Variants in THEMIS observed in about 807,000 individuals in gnomAD.
The protein encoded by THEMIS is thymocyte selection associated, also known as protein THEMIS.
Under a neutral mutation model 52.6 loss-of-function variants are expected in THEMIS, and 37 were observed. That is an observed-to-expected ratio of 0.70 (90% CI 0.54 to 0.93). The LOEUF is 0.93. Among genes scored for constraint, THEMIS ranks in the 40% least tolerant of loss-of-function variants. The pLI is 0.00. For synonymous variants in THEMIS, 292 were observed against 272.7 expected (o/e 1.07, Z -0.70); for missense variants, 808 against 763.1 (o/e 1.06, Z -0.69).
rs570626250 is a variant in THEMIS at position 127,807,623 on chromosome 6, A to G, written c.1758+5260T>C. The stretch of plus-strand genomic sequence containing the variant: ...GAGGGAAATCAGTACTACAGCTTCT[A>G]TATTACACGAAAAGGACCTACCATG... On this transcript the variant is annotated intron_variant, in intron 4 of 5. Coordinates refer to ENST00000368248, the MANE Select transcript of THEMIS (RefSeq NM_001010923.3). Among the ~76,000 whole-genome samples the G allele has an allele frequency of 3.3e-5, 5 of 152,320 alleles. No homozygotes were observed. The East Asian group carries it at 9.6e-4, about 29-fold the overall frequency.
At chr6:127,891,366 A>T (rs2875994) in intron 1 of THEMIS, among the ~76,000 whole-genome samples, 21,645 of 151,718 alleles carry the variant, frequency 0.14, 1,918 homozygotes, top group East Asian at 0.38. Context: ...TCCTGTCCCT[A>T]CTAAAAATGC....
At chr6:127,894,759 TAAG>T (rs1269097763) in intron 1 of THEMIS, among the ~76,000 whole-genome samples, 1 of 151,630 alleles carries the variant, frequency 6.6e-6, no homozygotes, top group Non-Finnish European at 1.5e-5. Context: ...AACAAATTTT[TAAG>T]AAGATGTTAA....
At chr6:127,855,232 A>T (rs778359983) in intron 1 of THEMIS, 44 bp from the exon 2 acceptor site, 1 of 1,502,122 alleles carries the variant, frequency 6.7e-7, no homozygotes, top group South Asian at 1.3e-5. Context: ...AAAAGAAAAC[A>T]GTGAAAAACA....
chr6:127,829,666 G>A lies in THEMIS; in HGVS notation c.519C>T (p.Phe173=). The A allele has an allele frequency of 6.2e-7, 1 of 1,614,054 alleles. No individual in the cohort carries two copies. The highest frequency in any genetic ancestry group is 1.3e-5 in the African/African-American group (1 of 75,048). Residue 173 remains phenylalanine, a synonymous_variant, in exon 3 of 6, where the codon TTC becomes TTT. Coordinates refer to ENST00000368248, the MANE Select transcript of THEMIS (RefSeq NM_001010923.3). ...FNLPLSQEGE[F]YECEDERIYT... is the part of the protein sequence containing the mutation. ...AAATACGTTCATCTTCACACTCGTA[G>A]AATTCTCCTTCTTGTGACAAAGGCA...
chr6:127,729,204 T>TCTC, intron 4 of THEMIS, among the ~76,000 whole-genome samples: 1 of 101,692 alleles, frequency 9.8e-6, no homozygotes, highest in Non-Finnish European at 2.1e-5. Flanking sequence ...CTCTCTCTCT[T>TCTC]CACTCATCCC....
rs1292297667 is a variant in THEMIS, at chr6:127,708,378, A to G, written c.*1607T>C. On this transcript the variant is annotated 3_prime_UTR_variant, in exon 6 of 6. Transcript: ENST00000368248. The stretch of plus-strand genomic sequence containing the variant: ...TGATAATTTACAACCAAAGTAAGAT[A>G]TGCATTCTCTTAATTTTCTAATCAA... The G allele has an allele frequency of 1.3e-5, 2 of 152,160 alleles. No individual in the cohort carries two copies. The highest frequency in any genetic ancestry group is 4.8e-5 in the African/African-American group (2 of 41,450). The allele number at this position is 152,160 out of a possible 1,614,324, so 9.4% of individuals were successfully genotyped here.
intron 4 of THEMIS, among the ~76,000 whole-genome samples, chr6:127,794,794 C>T (rs1777272553): frequency 6.6e-6 from 1 of 152,082 alleles, no homozygotes; most frequent in South Asian, 2.1e-4. Context: ...TAGTCCTTAC[C>T]TCTTGCTCTA....
At chr6:127,740,224 T>A (rs1775151592) in intron 4 of THEMIS, among the ~76,000 whole-genome samples, 1 of 152,076 alleles carries the variant, frequency 6.6e-6, no homozygotes, top group Non-Finnish European at 1.5e-5. Flanking sequence ...CAAAGGACAT[T>A]TAAAATCATT....
chr6:127,788,880 G>T (rs1777064523), intron 4 of THEMIS, among the ~76,000 whole-genome samples: 1 of 152,124 alleles, frequency 6.6e-6, no homozygotes, highest in East Asian at 1.9e-4. Flanking sequence ...AGCTAAAGTA[G>T]TGTTTAGAGT....
At chr6:127,727,257 T>A (rs1013163861) in intron 4 of THEMIS, among the ~76,000 whole-genome samples, 1 of 152,166 alleles carries the variant, frequency 6.6e-6, no homozygotes, top group Admixed American at 6.5e-5. Flanking sequence ...TAATGGGAAA[T>A]CATAACTCTT....
intron 4 of THEMIS, among the ~76,000 whole-genome samples, chr6:127,721,279 A>G (rs1259747035): frequency 6.6e-6 from 1 of 152,022 alleles, no homozygotes; most frequent in Non-Finnish European, 1.5e-5. Flanking sequence ...AACTAAATGA[A>G]TGTGATTTTG....
chr6:127,781,846 T>C (rs550853863), intron 4 of THEMIS, among the ~76,000 whole-genome samples: 77 of 151,960 alleles, frequency 5.1e-4, no homozygotes, highest in Admixed American at 9.8e-4. Context: ...TCCCAGGAGG[T>C]GTCTCCCAGT....
At chr6:127,801,322 AAGCCTC>A (rs1283959421) in intron 4 of THEMIS, among the ~76,000 whole-genome samples, 1 of 152,206 alleles carries the variant, frequency 6.6e-6, no homozygotes, top group Non-Finnish European at 1.5e-5. Context: ...AGCAGATATC[AAGCCTC>A]AGATCTGCTA....
At chr6:127,850,173 A>C (rs1240691468) in intron 2 of THEMIS, among the ~76,000 whole-genome samples, 1 of 152,114 alleles carries the variant, frequency 6.6e-6, no homozygotes, top group Non-Finnish European at 1.5e-5. Context: ...AATGCAAATT[A>C]AAACCACAAT....
intron 4 of THEMIS, among the ~76,000 whole-genome samples, chr6:127,755,508 AT>A (rs576668281): frequency 2.0e-5 from 3 of 151,962 alleles, no homozygotes; most frequent in African/African-American, 4.8e-5. Context: ...ATTTTTAAAG[AT>A]TTTTTTTATT....
At chr6:127,830,396 CAT>C (rs1399456732) in intron 2 of THEMIS, among the ~76,000 whole-genome samples, 3 of 152,100 alleles carry the variant, frequency 2.0e-5, no homozygotes, top group Admixed American at 6.5e-5. Flanking sequence ...TTTGTAGTCA[CAT>C]TCATGATTAA....
chr6:127,892,997 T>C (rs1780857380), intron 1 of THEMIS, among the ~76,000 whole-genome samples: 1 of 152,172 alleles, frequency 6.6e-6, no homozygotes, highest in Non-Finnish European at 1.5e-5. Flanking sequence ...ACATTCAGGA[T>C]ATTTATAGTC....
chr6:127,870,904 A>T (rs1489090228), intron 1 of THEMIS, among the ~76,000 whole-genome samples: 1 of 152,188 alleles, frequency 6.6e-6, no homozygotes, highest in Non-Finnish European at 1.5e-5. Flanking sequence ...GGAGTCTTCA[A>T]CACCCCTCTT....
At chr6:127,836,616 A>G (rs1649782563) in intron 2 of THEMIS, among the ~76,000 whole-genome samples, 1 of 152,208 alleles carries the variant, frequency 6.6e-6, no homozygotes, top group Non-Finnish European at 1.5e-5. Flanking sequence ...GATTTGCACA[A>G]TAAAGAAAAC....
Sources: allele counts gnomAD v4.1 joint callset (sites outside exome capture counted in the v4.1 genomes callset), GRCh38; gene constraint gnomAD v4.1.1; transcripts MANE v1.5; gene names NCBI Gene and HGNC (gene_info 2026-07-23, HGNC 2026-07-21).